The following IRAK2 variants were observed in gnomAD, a reference collection of about 807,000 sequenced individuals.
IRAK2 encodes interleukin 1 receptor associated kinase 2.
Under a neutral mutation model 72.0 loss-of-function variants are expected in IRAK2, and 57 were observed. The observed-to-expected ratio is 0.79, with a 90% CI of 0.64 to 0.99. IRAK2 has a LOEUF of 0.99. IRAK2 is among the 50% of genes least tolerant of loss of function. The pLI, the probability that IRAK2 is intolerant of heterozygous loss-of-function variation, is 0.00. For missense variants in IRAK2, 790 were observed against 794.4 expected (o/e 0.99, Z 0.07); for synonymous variants, 293 against 312.7 (o/e 0.94, Z 0.67).
At chr3:10,167,907 C>T (rs987204748) in intron 1 of IRAK2, among the ~76,000 whole-genome samples, 3 of 152,202 alleles carry the variant, frequency 2.0e-5, no homozygotes, top group Non-Finnish European at 4.4e-5. Flanking sequence ...TGGGCTCAAG[C>T]GATCTTCCTG....
chr3:10,209,495 G>T, intron 3 of IRAK2, 94 bp from the exon 4 acceptor site: 1 of 739,010 alleles, frequency 1.4e-6, no homozygotes, highest in East Asian at 3.0e-5. Flanking sequence ...TTTGGGGAGT[G>T]AACAGGAGAC....
intron 11 of IRAK2, among the ~76,000 whole-genome samples, chr3:10,237,805 C>CA (rs751642671): frequency 0.093 from 5,177 of 55,396 alleles, 539 homozygotes; most frequent in African/African-American, 0.26. Context: ...GACTCTGTCT[C>CA]AAAAAAAAAA....
At chr3:10,209,558 T>C in intron 3 of IRAK2, 31 bp from the exon 4 acceptor site, 2 of 1,427,530 alleles carry the variant, frequency 1.4e-6, no homozygotes, top group Non-Finnish European at 1.9e-6. Context: ...TCCCCGAGGC[T>C]GCATCCTGAC....
chr3:10,210,918 G>T (rs1241188528), intron 4 of IRAK2, among the ~76,000 whole-genome samples: 2 of 151,968 alleles, frequency 1.3e-5, no homozygotes, highest in African/African-American at 4.8e-5. Flanking sequence ...GGAGTGCAGT[G>T]GCACGATCTT....
rs560382584 is a variant in IRAK2, at chr3:10,238,971, G to A, written c.1697G>A (p.Arg566Gln). 24 of 1,613,946 alleles carry A rather than the reference G, an allele frequency of 1.5e-5. No homozygotes were observed. In the South Asian group the frequency reaches 1.9e-4, roughly 13 times the overall value. ...LPTENGEGRL[R>Q]VIVGREADSS... ...ACAGAGAATGGGGAAGGAAGGCTGC[G>A]GGTCATCGTGGGAAGGGAGGCTGAC... The change falls in exon 12 of 13, where the codon CGG becomes CAG. Residue 566 changes from arginine to glutamine, a missense_variant. Transcript: ENST00000256458.
chr3:10,182,970 C>G (rs1696984683), intron 2 of IRAK2, among the ~76,000 whole-genome samples: 1 of 152,028 alleles, frequency 6.6e-6, no homozygotes, highest in South Asian at 2.1e-4. Flanking sequence ...TGGGGTTTCA[C>G]CATGTTGGCC....
At chr3:10,179,776 A>G (rs1184363344) in intron 2 of IRAK2, among the ~76,000 whole-genome samples, 1 of 151,466 alleles carries the variant, frequency 6.6e-6, no homozygotes, top group Non-Finnish European at 1.5e-5. Flanking sequence ...CACTATGTTG[A>G]CCAGGCTGAT....
intron 2 of IRAK2, among the ~76,000 whole-genome samples, chr3:10,183,720 A>AAATAAAT (rs1559440866): frequency 7.3e-5 from 11 of 151,122 alleles, no homozygotes; most frequent in Non-Finnish European, 1.0e-4. Context: ...ACTCCGTCTC[A>AAATAAAT]AAATAAATAA....
intron 2 of IRAK2, among the ~76,000 whole-genome samples, chr3:10,178,915 C>A (rs1696919127): frequency 6.6e-6 from 1 of 152,090 alleles, no homozygotes; most frequent in Admixed American, 6.5e-5. Flanking sequence ...TGTCCTCCTG[C>A]CTCAACTTCC....
At chr3:10,191,613 C>G (rs1320717420) in intron 2 of IRAK2, among the ~76,000 whole-genome samples, 1 of 152,072 alleles carries the variant, frequency 6.6e-6, no homozygotes, top group African/African-American at 2.4e-5. Flanking sequence ...CACGTGTTCC[C>G]TCTCCTTGGA....
intron 10 of IRAK2, among the ~76,000 whole-genome samples, chr3:10,233,406 T>G (rs1697900076): frequency 6.6e-6 from 1 of 152,142 alleles, no homozygotes; most frequent in African/African-American, 2.4e-5. Context: ...TATATGCTAA[T>G]CATATATACC....
At chr3:10,232,147 T>C (rs1160718257) in intron 10 of IRAK2, among the ~76,000 whole-genome samples, 1 of 151,592 alleles carries the variant, frequency 6.6e-6, no homozygotes, top group Non-Finnish European at 1.5e-5. Flanking sequence ...ACAAAAAGAC[T>C]CTTATTCTCT....
chr3:10,184,769 G>T (rs1279781413), intron 2 of IRAK2, among the ~76,000 whole-genome samples: 1 of 129,768 alleles, frequency 7.7e-6, no homozygotes, highest in Admixed American at 9.5e-5. Context: ...TTGCTCTGTC[G>T]CCCAGGCTGG....
intron 1 of IRAK2, among the ~76,000 whole-genome samples, chr3:10,167,664 C>G (rs1696718350): frequency 6.6e-6 from 1 of 152,056 alleles, no homozygotes; most frequent in Non-Finnish European, 1.5e-5. Flanking sequence ...ATCCACCTAC[C>G]TCGGCTTCCC....
chr3:10,213,504 A>G lies in IRAK2; in HGVS notation c.744A>G (p.Gly248=). Residue 248 remains glycine, a synonymous_variant, in exon 6 of 13, where the codon GGA becomes GGG. Transcript: ENST00000256458. Reference sequence around the variant, plus strand: ...TACAGACAGCCTGTTCAAGTCCAGGATCAATCGAAAGATTCTTCCAGGCAG... The same window carrying G: ...TACAGACAGCCTGTTCAAGTCCAGGGTCAATCGAAAGATTCTTCCAGGCAG... ...KLRETACSSP[G]SIERFFQAEL... is the part of the protein sequence containing the mutation. The G allele has an allele frequency of 6.2e-7, 1 of 1,614,156 alleles. No individual in the cohort carries two copies. The highest frequency in any genetic ancestry group is 8.5e-7 in the Non-Finnish European group (1 of 1,180,006).
intron 2 of IRAK2, among the ~76,000 whole-genome samples, chr3:10,187,631 C>CT (rs1463191760): frequency 6.6e-6 from 1 of 152,190 alleles, no homozygotes; most frequent in African/African-American, 2.4e-5. Context: ...CTGCCTCTGC[C>CT]TTTGGAGATT....
intron 6 of IRAK2, among the ~76,000 whole-genome samples, chr3:10,215,348 C>G (rs932666613): frequency 7.2e-6 from 1 of 139,174 alleles, no homozygotes; most frequent in African/African-American, 2.7e-5. Context: ...GAGCCCAGAT[C>G]GCACCACTGC....
chr3:10,222,595 A>T, intron 8 of IRAK2, 41 bp from the exon 9 acceptor site: 3 of 1,549,762 alleles, frequency 1.9e-6, no homozygotes, highest in Non-Finnish European at 2.7e-6. Context: ...GTTGTTATCC[A>T]GCTCAAAATG....
intron 3 of IRAK2, among the ~76,000 whole-genome samples, chr3:10,208,695 G>A (rs1242624965): frequency 3.3e-5 from 5 of 151,694 alleles, no homozygotes; most frequent in African/African-American, 7.3e-5. Context: ...CCCGGGAGGC[G>A]GAGCTTGCAG....
Sources: gnomAD v4.1 joint callset for allele counts (sites outside exome capture counted in the v4.1 genomes callset) on GRCh38, gnomAD v4.1.1 for gene constraint, MANE v1.5 for transcripts, NCBI Gene and HGNC (gene_info 2026-07-23, HGNC 2026-07-21) for gene names.